Variants in PLCE1 observed in about 807,000 individuals in gnomAD.
The protein encoded by PLCE1 is 1-phosphatidylinositol 4,5-bisphosphate phosphodiesterase epsilon-1.
A neutral mutation model predicts 242.8 loss-of-function variants in PLCE1; 119 were observed. That is an observed-to-expected ratio of 0.49 (90% CI 0.42 to 0.57). PLCE1 has a LOEUF of 0.57. Among genes scored for constraint, PLCE1 ranks in the 20% least tolerant of loss-of-function variants. The pLI, the probability that PLCE1 is intolerant of heterozygous loss-of-function variation, is 0.00. For synonymous variants in PLCE1, 945 were observed against 1,017.4 expected (o/e 0.93, Z 1.35); for missense variants, 2,441 against 2,788.8 (o/e 0.88, Z 2.81).
At chr10:94,302,604 A>G (rs1286032421) in intron 24 of PLCE1, among the ~76,000 whole-genome samples, 1 of 152,170 alleles carries the variant, frequency 6.6e-6, no homozygotes, top group African/African-American at 2.4e-5. Flanking sequence ...TATAAGATGT[A>G]CATTATATGG....
intron 11 of PLCE1, among the ~76,000 whole-genome samples, chr10:94,256,529 G>A (rs1202577491): frequency 6.6e-6 from 1 of 152,048 alleles, no homozygotes; most frequent in East Asian, 1.9e-4. Context: ...TACCACTCTT[G>A]CAACTTTTAT....
intron 22 of PLCE1, chr10:94,287,554 C>G (rs766310480): frequency 1.3e-5 from 2 of 151,932 alleles, no homozygotes; most frequent in Non-Finnish European, 2.9e-5. Context: ...ACTTCCCCAC[C>G]ATCAGAAGCT....
At chr10:94,090,298 A>G (rs145557266) in intron 2 of PLCE1, among the ~76,000 whole-genome samples, 1,839 of 152,344 alleles carry the variant, frequency 0.012, 20 homozygotes, top group Non-Finnish European at 0.018. Context: ...ACTACTCTTG[A>G]AATGGCTCAC....
intron 8 of PLCE1, among the ~76,000 whole-genome samples, chr10:94,250,504 GA>G (rs112993456): frequency 1.4e-5 from 2 of 145,980 alleles, no homozygotes; most frequent in African/African-American, 2.5e-5. Context: ...CCATCTCCAA[GA>G]AAAAAAAAAG....
chr10:93,998,858 A>G (rs2060879223), intron 1 of PLCE1, among the ~76,000 whole-genome samples: 1 of 152,184 alleles, frequency 6.6e-6, no homozygotes, highest in Admixed American at 6.5e-5. Flanking sequence ...AGCTCTTGAG[A>G]TGATCCTGGA....
chr10:94,141,558 T>A (rs1295040895), intron 3 of PLCE1, among the ~76,000 whole-genome samples: 1,484 of 76,936 alleles, frequency 0.019, 131 homozygotes, highest in African/African-American at 0.075. Flanking sequence ...TAAGGGAAGG[T>A]GAAGGGAAGG....
At chr10:93,994,781 C>T (rs2060788939) in intron 1 of PLCE1, among the ~76,000 whole-genome samples, 1 of 152,120 alleles carries the variant, frequency 6.6e-6, no homozygotes, top group South Asian at 2.1e-4. Flanking sequence ...AGGTGCACAG[C>T]GTAAATTTGT....
rs869233995 is a variant in PLCE1, at chr10:94,051,286, C to CAAAAAAAAAAAA, written c.1206+19049_1206+19060dup. 1.6e-3 allele frequency among the ~76,000 whole-genome samples: 47 copies of CAAAAAAAAAAAA among 29,360 alleles called. 6 individuals carry two copies. The highest frequency in any genetic ancestry group is 2.3e-3 in the African/African-American group (25 of 10,932). 19.3% of individuals were successfully genotyped at this position (29,360 alleles called of 152,430 possible). A position where few individuals can be genotyped will look rare whatever the true frequency, so the allele number is the denominator to read the frequency against. The stretch of plus-strand genomic sequence containing the variant: ...TGGGTGATAGAGCGAGACTCCAACT[C>CAAAAAAAAAAAA]AAAAAAAAAAAAAAAAAAAAAAAAA... On this transcript the variant is annotated intron_variant, in intron 2 of 32. Transcript: ENST00000371380.
intron 2 of PLCE1, among the ~76,000 whole-genome samples, chr10:94,109,956 G>A: frequency 6.6e-6 from 1 of 150,796 alleles, no homozygotes. Context: ...GGGGTTCAGA[G>A]GAACATTTCA....
intron 2 of PLCE1, among the ~76,000 whole-genome samples, chr10:94,071,598 G>C (rs947891888): frequency 1.4e-5 from 2 of 146,474 alleles, no homozygotes; most frequent in Non-Finnish European, 3.0e-5. Context: ...CTGGGCTCAA[G>C]TGATCCTCCC....
At chr10:94,194,421 G>T (rs954894812) in intron 4 of PLCE1, among the ~76,000 whole-genome samples, 1 of 152,078 alleles carries the variant, frequency 6.6e-6, no homozygotes, top group Non-Finnish European at 1.5e-5. Context: ...CACATTCAAG[G>T]CTTGTCTCTG....
intron 2 of PLCE1, among the ~76,000 whole-genome samples, chr10:94,054,040 C>G (rs981708335): frequency 6.6e-6 from 1 of 152,088 alleles, no homozygotes; most frequent in African/African-American, 2.4e-5. Flanking sequence ...AAATGCAAGT[C>G]TGAGAGTCTC....
intron 3 of PLCE1, among the ~76,000 whole-genome samples, 171 bp from the exon 4 acceptor site, chr10:94,171,009 A>G (rs1422160643): frequency 6.6e-6 from 1 of 152,208 alleles, no homozygotes; most frequent in African/African-American, 2.4e-5. Flanking sequence ...TAGAAGACAA[A>G]TAGGACAGAT....
At chr10:94,013,847 A>G (rs1292830047) in intron 1 of PLCE1, among the ~76,000 whole-genome samples, 2 of 152,210 alleles carry the variant, frequency 1.3e-5, no homozygotes, top group Non-Finnish European at 2.9e-5. Flanking sequence ...AATGGCCTGA[A>G]GTACTTGTAG....
chr10:94,183,646 A>G (rs142026392), intron 4 of PLCE1, among the ~76,000 whole-genome samples: 1 of 152,332 alleles, frequency 6.6e-6, no homozygotes, highest in East Asian at 1.9e-4. Flanking sequence ...ATAGAGAGAT[A>G]CCTGAGGCTG....
chr10:94,147,278 C>T (rs1321332666), intron 3 of PLCE1, among the ~76,000 whole-genome samples: 3 of 152,026 alleles, frequency 2.0e-5, no homozygotes, highest in Admixed American at 1.3e-4. Context: ...AAAAATCAGC[C>T]AGGTATGGTG....
intron 4 of PLCE1, among the ~76,000 whole-genome samples, chr10:94,198,504 A>G (rs926389016): frequency 6.6e-6 from 1 of 152,222 alleles, no homozygotes. Context: ...AATTTTGACA[A>G]TGCATACAGT....
intron 3 of PLCE1, among the ~76,000 whole-genome samples, chr10:94,169,002 A>T (rs2047893172): frequency 6.6e-6 from 1 of 151,722 alleles, no homozygotes; most frequent in Admixed American, 6.6e-5. Context: ...CCTGATTTTA[A>T]TTTTTTTTTA....
chr10:94,089,431 TG>T (rs2135345550), intron 2 of PLCE1: 2 of 1,406,374 alleles, frequency 1.4e-6, no homozygotes, highest in South Asian at 2.8e-5. Context: ...CATGGAATCC[TG>T]GGGACTGTTT....
Sources: allele counts gnomAD v4.1 joint callset (sites outside exome capture counted in the v4.1 genomes callset), GRCh38; gene constraint gnomAD v4.1.1; transcripts MANE v1.5; gene names NCBI Gene and HGNC (gene_info 2026-07-23, HGNC 2026-07-21).